The following PIK3C3 variants were observed in gnomAD, a reference collection of about 807,000 sequenced individuals.
The protein encoded by PIK3C3 is phosphatidylinositol 3-kinase catalytic subunit type 3.
A neutral mutation model predicts 126.1 loss-of-function variants in PIK3C3; 95 were observed. The ratio of observed to expected loss-of-function variants is 0.75; its 90% confidence interval spans 0.64 to 0.89. The LOEUF (loss-of-function observed/expected upper bound fraction) is 0.89, where lower values mean the gene tolerates loss of function less well. Among genes scored for constraint, PIK3C3 ranks in the 40% least tolerant of loss-of-function variants. The pLI, the probability that PIK3C3 is intolerant of heterozygous loss-of-function variation, is 0.00. For missense variants in PIK3C3, 829 were observed against 1,063.2 expected, an observed-to-expected ratio of 0.78 and a Z score of 3.06; for synonymous variants, 374 against 360.0, an observed-to-expected ratio of 1.04 and a Z score of -0.44.
At chr18:42,058,969 C>G (rs1167515166) in intron 22 of PIK3C3, among the ~76,000 whole-genome samples, 1 of 152,192 alleles carries the variant, frequency 6.6e-6, no homozygotes, top group African/African-American at 2.4e-5. Context: ...GGTTCTGTTT[C>G]CTTTGACTTC....
At chr18:42,042,173 G>A (rs1984352571) in intron 19 of PIK3C3, among the ~76,000 whole-genome samples, 1 of 152,268 alleles carries the variant, frequency 6.6e-6, no homozygotes, top group South Asian at 2.1e-4. Context: ...AAAACCTTGG[G>A]TTCTAAGTCT....
intron 15 of PIK3C3, among the ~76,000 whole-genome samples, chr18:42,032,628 A>T (rs1244512505): frequency 2.5e-5 from 3 of 119,426 alleles, no homozygotes; most frequent in Non-Finnish European, 3.7e-5. Context: ...TGGTTATTTT[A>T]TTTATTTATT....
chr18:41,986,134 G>T (rs967055710), intron 4 of PIK3C3, among the ~76,000 whole-genome samples: 2 of 152,096 alleles, frequency 1.3e-5, no homozygotes, highest in African/African-American at 2.4e-5. Flanking sequence ...ATAGTCTGGG[G>T]TTTAAACCCT....
chr18:41,955,276 C>G lies in PIK3C3; in HGVS notation c.-16C>G, dbSNP rs1979702117. On this transcript the variant is annotated 5_prime_UTR_variant, in exon 1 of 25. Transcript: ENST00000262039. Reference sequence around the variant, plus strand: ...CCTAAGTTCCCGCTGTAGGTGGTACCTTTGCAGACGGTGCGATGGGGGAAG... The same window carrying G: ...CCTAAGTTCCCGCTGTAGGTGGTACGTTTGCAGACGGTGCGATGGGGGAAG... The G allele has an allele frequency of 1.2e-6, 2 of 1,610,142 alleles. No individual in the cohort carries two copies. Among genetic ancestry groups the G allele is most frequent in the East Asian group, 2.2e-5 (1 of 44,576 alleles).
intron 4 of PIK3C3, among the ~76,000 whole-genome samples, chr18:41,975,526 A>G (rs1039063643): frequency 9.2e-5 from 14 of 152,134 alleles, no homozygotes; most frequent in African/African-American, 3.1e-4. Flanking sequence ...GTGGGTGAGT[A>G]CATCTTTCTG....
intron 16 of PIK3C3, among the ~76,000 whole-genome samples, chr18:42,034,984 TG>T (rs915084642): frequency 7.2e-5 from 11 of 152,246 alleles, no homozygotes; most frequent in Non-Finnish European, 1.5e-5. Flanking sequence ...TAACTTTAAC[TG>T]GGTGTTATGG....
rs911197330 is a variant in PIK3C3 at position 41,958,698 on chromosome 18, TATATAG to T, written c.257+952_257+957del. On this transcript the variant is annotated intron_variant, in intron 2 of 24. Coordinates refer to ENST00000262039, the MANE Select transcript of PIK3C3 (RefSeq NM_002647.4). ...ATCTATCTGTATATATATATGTGTGTATATAGATATAGATATATATGTATATAGATA... is the reference window on the plus strand; with the variant it reads ...ATCTATCTGTATATATATATGTGTGTATATAGATATATATGTATATAGATA... Among the ~76,000 whole-genome samples, 24 of 152,244 alleles carry T rather than the reference TATATAG, an allele frequency of 1.6e-4. No individual in the cohort carries two copies. In the East Asian group the frequency reaches 1.9e-3, roughly 12 times the overall value.
Position 42,086,978 on chromosome 18 carries a change from A to ATCTGTGAGTGCCAGTTTCCT in PIK3C3, c.*5848_*5867dup, listed in dbSNP as rs1193208411. ...ATCCCTTTCCAGTAACTTCAGCAGG[A>ATCTGTGAGTGCCAGTTTCCT]TCTGTGAGTGCCAGTTTCCTTCTGT... On this transcript the variant is annotated 3_prime_UTR_variant, in exon 25 of 25. Transcript: ENST00000262039. 3 of 152,156 alleles carry ATCTGTGAGTGCCAGTTTCCT rather than the reference A, an allele frequency of 2.0e-5. No individual in the cohort carries two copies. Among genetic ancestry groups the ATCTGTGAGTGCCAGTTTCCT allele is most frequent in the African/African-American group, 7.2e-5 (3 of 41,420 alleles). The allele number at this position is 152,156 out of a possible 1,614,324, so 9.4% of individuals were successfully genotyped here. A position where few individuals can be genotyped will look rare whatever the true frequency, so the allele number is the denominator to read the frequency against.
intron 4 of PIK3C3, 34 bp downstream of exon 4, chr18:41,970,490 C>T: frequency 6.3e-7 from 1 of 1,597,922 alleles, no homozygotes; most frequent in Non-Finnish European, 8.6e-7. Flanking sequence ...GTGCAAAGCT[C>T]TGACTGATGT....
At chr18:42,031,090 T>G (rs1983804164) in intron 15 of PIK3C3, among the ~76,000 whole-genome samples, 1 of 152,176 alleles carries the variant, frequency 6.6e-6, no homozygotes, top group African/African-American at 2.4e-5. Context: ...TTACATATAT[T>G]TACTAGAAAC....
Position 41,957,516 on chromosome 18 carries a change from A to G in PIK3C3, c.69-54A>G, listed in dbSNP as rs902598831. 4 of 1,544,836 alleles carry G rather than the reference A, an allele frequency of 2.6e-6. No individual in the cohort carries two copies. The Admixed American group carries it at 7.8e-5, about 30-fold the overall frequency. ...GTACATGCTTAGTACTTATGTATAT[A>G]TGTACATGCTTAAAAAATTCATGTC... On this transcript the variant is annotated intron_variant, in intron 1 of 24. Coordinates refer to ENST00000262039, the MANE Select transcript of PIK3C3 (RefSeq NM_002647.4).
intron 24 of PIK3C3, among the ~76,000 whole-genome samples, chr18:42,075,600 A>G (rs1415410705): frequency 6.6e-6 from 1 of 151,846 alleles, no homozygotes. Context: ...AGATGAGAAA[A>G]CTAAGGTTAA....
intron 4 of PIK3C3, among the ~76,000 whole-genome samples, chr18:41,982,908 A>T (rs1252407891): frequency 1.3e-5 from 2 of 152,212 alleles, no homozygotes; most frequent in African/African-American, 2.4e-5. Flanking sequence ...CATAATTTGT[A>T]AAGGCTGGAG....
intron 9 of PIK3C3, among the ~76,000 whole-genome samples, chr18:41,998,462 A>G (rs1982132328): frequency 6.6e-6 from 1 of 152,182 alleles, no homozygotes; most frequent in South Asian, 2.1e-4. Context: ...AAAAGCATAC[A>G]GGAGTAGATT....
intron 1 of PIK3C3, 101 bp from the exon 2 acceptor site, chr18:41,957,469 T>G: frequency 8.8e-7 from 1 of 1,138,236 alleles, no homozygotes; most frequent in Non-Finnish European, 1.2e-6. Flanking sequence ...TATGCATATA[T>G]GTACATGCTT....
At chr18:42,071,640 A>G (rs1985776758) in intron 24 of PIK3C3, among the ~76,000 whole-genome samples, 1 of 151,954 alleles carries the variant, frequency 6.6e-6, no homozygotes, top group South Asian at 2.1e-4. Flanking sequence ...GAATCACTTG[A>G]ACCCAGGAGG....
At position 41,970,364 on chromosome 18, in the gene PIK3C3, C is replaced by G; in HGVS notation, c.439C>G (p.Pro147Ala). ...RQGMHDLKVWPNVEADGSEPT... is the reference protein window; with the variant it reads ...RQGMHDLKVWANVEADGSEPT... ...AGGGATGCATGACTTGAAAGTCTGG[C>G]CTAATGTAGAAGCAGATGGATCAGA... The change falls in exon 4 of 25, where the codon CCT becomes GCT. Residue 147 changes from proline (P) to alanine (A), a missense_variant. This residue lies in a region of PIK3C3 where 313 missense variants were observed against 340.7 expected (regional missense o/e 0.92). Transcript: ENST00000262039. 1 of 1,612,870 alleles carries G rather than the reference C, an allele frequency of 6.2e-7. No individual in the cohort carries two copies. Among genetic ancestry groups the G allele is most frequent in the Non-Finnish European group, 8.5e-7 (1 of 1,179,022 alleles).
chr18:42,056,620 C>A (rs537687739), intron 21 of PIK3C3, among the ~76,000 whole-genome samples: 59 of 152,040 alleles, frequency 3.9e-4, no homozygotes, highest in Non-Finnish European at 6.6e-4. Context: ...TCTTTTGGGG[C>A]AGAATCATGT....
rs995159993 is a variant in PIK3C3, at chr18:42,083,519, C to T, written c.*2382C>T. 7 of 152,008 alleles carry T rather than the reference C, an allele frequency of 4.6e-5. No homozygotes were observed. Among genetic ancestry groups the T allele is most frequent in the African/African-American group, 1.7e-4 (7 of 41,372 alleles). The allele number at this position is 152,008 out of a possible 1,614,324, so 9.4% of individuals were successfully genotyped here. On this transcript the variant is annotated 3_prime_UTR_variant, in exon 25 of 25. Coordinates refer to ENST00000262039, the MANE Select transcript of PIK3C3 (RefSeq NM_002647.4). ...CATTGCCAAATAAAGGGTCATACAG[C>T]CTTGCTTTTTGCTGGAGTTAGCAAA... is the stretch of plus-strand genomic sequence containing the variant.
Sources: allele counts gnomAD v4.1 joint callset (sites outside exome capture counted in the v4.1 genomes callset), GRCh38; gene constraint gnomAD v4.1.1; regional missense constraint gnomAD v4.1.1; transcripts MANE v1.5; gene names NCBI Gene and HGNC (gene_info 2026-07-23, HGNC 2026-07-21).